The following PPP1R12B variants were observed in gnomAD, a reference collection of about 807,000 sequenced individuals.
PPP1R12B encodes myosin phosphatase target subunit 2.
In PPP1R12B, 76 loss-of-function variants were observed where a neutral mutation model predicts 126.1. The observed-to-expected ratio is 0.60, with a 90% confidence interval of 0.50 to 0.73. The LOEUF is 0.73. PPP1R12B is among the 30% of genes least tolerant of loss of function. The probability of loss-of-function intolerance (pLI) is 0.00; values close to 1 mark genes in which losing one functional copy is unlikely to be tolerated. For synonymous variants in PPP1R12B, 356 were observed against 434.7 expected, an observed-to-expected ratio of 0.82 and a Z score of 2.25; for missense variants, 1,052 against 1,205.1, an observed-to-expected ratio of 0.87 and a Z score of 1.88.
Position 202,442,454 on chromosome 1 carries a change from G to A in PPP1R12B, c.1549G>A (p.Ala517Thr). The change falls in exon 12 of 24, where the codon GCT (alanine) becomes ACT (threonine). Residue 517 changes from alanine to threonine, a missense_variant. Transcript: ENST00000608999. ...CCTTTCATGCTTCTACAGAGAATCA[G>A]CTGTTAATCTAGTGAGGAGTGGCTC... ...DIEEKENRES[A>T]VNLVRSGSYT... 6.2e-7 allele frequency: 1 copy of A among 1,610,228 alleles called. No individual in the cohort carries two copies. Among genetic ancestry groups the A allele is most frequent in the Non-Finnish European group, 8.5e-7 (1 of 1,178,856 alleles).
chr1:202,547,769 AAG>A (rs771395603), intron 18 of PPP1R12B, among the ~76,000 whole-genome samples: 41 of 152,024 alleles, frequency 2.7e-4, no homozygotes, highest in Non-Finnish European at 4.1e-4. Flanking sequence ...TTAGAAAGGG[AAG>A]TAGGAATTAG....
chr1:202,373,914 T>C, intron 1 of PPP1R12B, among the ~76,000 whole-genome samples: 1 of 147,658 alleles, frequency 6.8e-6, no homozygotes, highest in Non-Finnish European at 1.5e-5. Flanking sequence ...ATATTATTTC[T>C]AATGGTCAAG....
chr1:202,564,669 G>A, intron 21 of PPP1R12B, 122 bp downstream of exon 21: 1 of 677,542 alleles, frequency 1.5e-6, no homozygotes, highest in Non-Finnish European at 2.4e-6. Flanking sequence ...TCGGGGCAAT[G>A]AGATAGAAGC....
At chr1:202,577,907 A>G (rs772734755) in intron 23 of PPP1R12B, among the ~76,000 whole-genome samples, 19 of 152,236 alleles carry the variant, frequency 1.2e-4, no homozygotes, top group Admixed American at 2.6e-4. Flanking sequence ...TTAAGAAACT[A>G]AGATCCAGAG....
At chr1:202,484,795 A>T (rs1304495165) in intron 13 of PPP1R12B, among the ~76,000 whole-genome samples, 2 of 151,952 alleles carry the variant, frequency 1.3e-5, no homozygotes, top group African/African-American at 4.8e-5. Context: ...TTTCCCCCAA[A>T]CACTCTGAAT....
At chr1:202,417,454 G>A in intron 2 of PPP1R12B, 1 of 971,338 alleles carries the variant, frequency 1.0e-6, no homozygotes, top group Non-Finnish European at 1.2e-6. Context: ...TATTTAATAA[G>A]ATACATTAGG....
chr1:202,354,947 T>A (rs1656792504), intron 1 of PPP1R12B, among the ~76,000 whole-genome samples: 1 of 151,654 alleles, frequency 6.6e-6, no homozygotes, highest in African/African-American at 2.4e-5. Flanking sequence ...TGCCTCAGCC[T>A]CCCGAGTAGC....
chr1:202,426,997 A>C, intron 4 of PPP1R12B, 43 bp from the exon 5 acceptor site: 1 of 1,584,806 alleles, frequency 6.3e-7, no homozygotes, highest in Non-Finnish European at 8.6e-7. Flanking sequence ...AGAAAATTGT[A>C]ATATACAGAA....
Position 202,349,086 on chromosome 1 carries a change from G to A in PPP1R12B, c.235G>A (p.Ala79Thr), listed in dbSNP as rs767160205. The change falls in exon 1 of 24, where the codon GCA becomes ACA. Residue 79 changes from alanine to threonine, a missense_variant. By Grantham distance (58) the Ala-to-Thr change is moderately conservative. Transcript: ENST00000608999. ...GDTDEVRKLL[A>T]RGADINTVNV... ...CACCGACGAGGTGAGAAAGCTTCTG[G>A]CAAGAGGTGCTGATATCAACACGGT... 1.9e-6 allele frequency: 3 copies of A among 1,614,132 alleles called. No homozygotes were observed. Among genetic ancestry groups the A allele is most frequent in the Non-Finnish European group, 1.7e-6 (2 of 1,180,038 alleles).
chr1:202,480,986 G>A (rs1292711531), intron 13 of PPP1R12B, among the ~76,000 whole-genome samples: 1 of 152,166 alleles, frequency 6.6e-6, no homozygotes, highest in African/African-American at 2.4e-5. Flanking sequence ...GGCATGGGGT[G>A]TGGGGGGCAG....
intron 1 of PPP1R12B, among the ~76,000 whole-genome samples, chr1:202,367,900 G>A (rs912586705): frequency 6.6e-6 from 1 of 151,978 alleles, no homozygotes; most frequent in Non-Finnish European, 1.5e-5. Context: ...TGGGTCATAC[G>A]GGAGGGTCCC....
In PPP1R12B at chr1:202,442,417, G is replaced by A. The variant is rs1671748091; in HGVS notation, c.1542-30G>A. On this transcript the variant is annotated intron_variant, in intron 11 of 23. Transcript: ENST00000608999. The stretch of plus-strand genomic sequence containing the variant: ...GGACAAAAACTGGTGGTAGGAATCA[G>A]TGTTTTGTTTTCCTTTCATGCTTCT... 2 of 1,597,498 alleles carry A rather than the reference G, an allele frequency of 1.3e-6. 1 individual carries two copies.
chr1:202,354,644 G>A (rs1380309835), intron 1 of PPP1R12B, among the ~76,000 whole-genome samples: 3 of 151,332 alleles, frequency 2.0e-5, no homozygotes, highest in South Asian at 4.2e-4. Flanking sequence ...TTAATTACAT[G>A]TGTCCCATTC....
intron 18 of PPP1R12B, among the ~76,000 whole-genome samples, chr1:202,514,098 C>G (rs539601782): frequency 6.6e-6 from 1 of 151,622 alleles, no homozygotes; most frequent in Non-Finnish European, 1.5e-5. Context: ...CTTTTCTTTT[C>G]TTTTTTTAAC....
At chr1:202,564,368 C>A (rs892967367) in intron 20 of PPP1R12B, 75 bp from the exon 21 acceptor site, 1 of 1,106,130 alleles carries the variant, frequency 9.0e-7, no homozygotes, top group Non-Finnish European at 1.3e-6. Flanking sequence ...GGCACAGAGC[C>A]CTGGGCATTC....
At chr1:202,553,425 CACTT>C (rs1166870336) in intron 18 of PPP1R12B, among the ~76,000 whole-genome samples, 1 of 152,198 alleles carries the variant, frequency 6.6e-6, no homozygotes. Context: ...TTAACAAAAA[CACTT>C]AGAGAAGTTC....
intron 6 of PPP1R12B, among the ~76,000 whole-genome samples, 171 bp from the exon 7 acceptor site, chr1:202,430,560 C>T (rs1670059617): frequency 6.6e-6 from 1 of 151,962 alleles, no homozygotes; most frequent in Admixed American, 6.6e-5. Flanking sequence ...TGAATTCTGT[C>T]ATCTAAGGAG....
rs1670175163 is a variant in PPP1R12B at position 202,431,498 on chromosome 1, TGAG to T, written c.1027_1029del (p.Glu343del). 1 of 1,606,872 alleles carries T rather than the reference TGAG, an allele frequency of 6.2e-7. No homozygotes were observed. The highest frequency in any genetic ancestry group is 1.7e-5 in the Admixed American group (1 of 58,120). ...AATTTAGCAAAGAGAAGATGCTCTA[TGAG>T]GAGGAGACACCTAAGTCCCAAGAAA... On this transcript the variant is annotated inframe_deletion, in exon 8 of 24. Coordinates refer to ENST00000608999, the MANE Select transcript of PPP1R12B (RefSeq NM_002481.4).
At chr1:202,359,739 G>A (rs1657822996) in intron 1 of PPP1R12B, among the ~76,000 whole-genome samples, 2 of 152,148 alleles carry the variant, frequency 1.3e-5, no homozygotes, top group African/African-American at 4.8e-5. Flanking sequence ...GGGAGGCGGA[G>A]CTTGCAGTGA....
Sources: gnomAD v4.1 joint callset for allele counts (sites outside exome capture counted in the v4.1 genomes callset) on GRCh38, gnomAD v4.1.1 for gene constraint, MANE v1.5 for transcripts, NCBI Gene and HGNC (gene_info 2026-07-23, HGNC 2026-07-21) for gene names.